CYP19A1: variants seen among roughly 807,000 people sequenced by gnomAD.
CYP19A1 encodes the protein aromatase.
Under a neutral mutation model 44.4 loss-of-function variants are expected in CYP19A1, and 32 were observed. The ratio of observed to expected loss-of-function variants is 0.72; its 90% confidence interval spans 0.54 to 0.97. The LOEUF is 0.97. CYP19A1 is among the 50% of genes least tolerant of loss of function. The pLI, the probability that CYP19A1 is intolerant of heterozygous loss-of-function variation, is 0.00. For missense variants in CYP19A1, 598 were observed against 637.8 expected, an observed-to-expected ratio of 0.94 and a Z score of 0.67; for synonymous variants, 212 against 215.6, an observed-to-expected ratio of 0.98 and a Z score of 0.14.
At chr15:51,241,679 C>T (rs2033778322) in intron 2 of CYP19A1, among the ~76,000 whole-genome samples, 2 of 152,170 alleles carry the variant, frequency 1.3e-5, no homozygotes, top group Admixed American at 1.3e-4. Flanking sequence ...AACAGTTGTC[C>T]CTTAGCTCTG....
Position 51,210,231 on chromosome 15 carries a change from C to A in CYP19A1, c.*577G>T. 1 of 408,204 alleles carries A rather than the reference C, an allele frequency of 2.4e-6. No individual in the cohort carries two copies. Among genetic ancestry groups the A allele is most frequent in the Non-Finnish European group, 4.9e-6 (1 of 205,288 alleles). The allele number at this position is 408,204 out of a possible 1,614,324, so 25.3% of individuals were successfully genotyped here. ...TTGCCACAGACAGATCATATGTAGACAAACAGGAATTAATTGGGCTTAATT... is the reference window on the plus strand; with the variant it reads ...TTGCCACAGACAGATCATATGTAGAAAAACAGGAATTAATTGGGCTTAATT... On this transcript the variant is annotated 3_prime_UTR_variant, in exon 10 of 10. Transcript: ENST00000396402.
chr15:51,260,587 T>A (rs2034677089), intron 1 of CYP19A1, among the ~76,000 whole-genome samples: 1 of 152,108 alleles, frequency 6.6e-6, no homozygotes, highest in Admixed American at 6.5e-5. Flanking sequence ...TCAAAGGAAG[T>A]GAGAGACAGA....
chr15:51,255,230 A>G (rs748422171), intron 1 of CYP19A1, among the ~76,000 whole-genome samples: 2 of 152,190 alleles, frequency 1.3e-5, no homozygotes, highest in African/African-American at 2.4e-5. Context: ...ATTATTCAGT[A>G]ATTGGGGGCA....
chr15:51,228,300 C>A (rs190697708), intron 3 of CYP19A1, among the ~76,000 whole-genome samples: 2 of 152,318 alleles, frequency 1.3e-5, no homozygotes, highest in African/African-American at 4.8e-5. Flanking sequence ...GCCAGAAGAA[C>A]CTCCAGCCTC....
intron 1 of CYP19A1, among the ~76,000 whole-genome samples, chr15:51,289,641 G>T (rs866186659): frequency 6.6e-6 from 1 of 152,168 alleles, no homozygotes; most frequent in Non-Finnish European, 1.5e-5. Flanking sequence ...GCCAGCCAGG[G>T]TTCCTGGGCA....
chr15:51,228,217 C>T (rs1465140001), intron 3 of CYP19A1, among the ~76,000 whole-genome samples: 1 of 152,176 alleles, frequency 6.6e-6, no homozygotes, highest in Admixed American at 6.5e-5. Flanking sequence ...TCTCTAACCT[C>T]ACCAAAATAC....
chr15:51,285,565 A>G (rs1174019878), intron 1 of CYP19A1, among the ~76,000 whole-genome samples: 4 of 152,206 alleles, frequency 2.6e-5, no homozygotes, highest in Non-Finnish European at 5.9e-5. Flanking sequence ...CTCGGCGCAT[A>G]AAACCCCTCG....
At chr15:51,252,140 G>C (rs550264141) in intron 1 of CYP19A1, among the ~76,000 whole-genome samples, 1 of 152,292 alleles carries the variant, frequency 6.6e-6, no homozygotes, top group East Asian at 1.9e-4. Flanking sequence ...AGGGAGGCTG[G>C]GGTGCATGTG....
At chr15:51,252,842 G>T (rs1014810643) in intron 1 of CYP19A1, among the ~76,000 whole-genome samples, 1 of 152,218 alleles carries the variant, frequency 6.6e-6, no homozygotes, top group Admixed American at 6.5e-5. Context: ...TGCTCTTACG[G>T]AGTTAATCTG....
intron 1 of CYP19A1, among the ~76,000 whole-genome samples, chr15:51,251,091 AG>A (rs2034289085): frequency 6.6e-6 from 1 of 152,070 alleles, no homozygotes; most frequent in Non-Finnish European, 1.5e-5. Context: ...GCCCGGGCTG[AG>A]GGGGAGCACT....
intron 1 of CYP19A1, among the ~76,000 whole-genome samples, chr15:51,317,104 CTTTT>C (rs201343947): frequency 4.3e-5 from 6 of 138,486 alleles, no homozygotes; most frequent in African/African-American, 2.6e-5. Flanking sequence ...AAAATCACTT[CTTTT>C]TTTTTTTTTT....
rs529508855 is a variant in CYP19A1 at position 51,293,682 on chromosome 15, C to G, written c.-39+44813G>C. ...CCTGATTCTCCTGCCTCAGCCTGCC[C>G]AGTGCCTGCGATTGCAGGCGCGCGC... On this transcript the variant is annotated intron_variant, in intron 1 of 9. Transcript: ENST00000396402. 4.2e-3 allele frequency: 662 copies of G among 156,868 alleles called. 7 individuals carry two copies. The highest frequency in any genetic ancestry group is 0.015 in the African/African-American group (617 of 41,628). 9.7% of individuals were successfully genotyped at this position (156,868 alleles called of 1,614,324 possible). A position where few individuals can be genotyped will look rare whatever the true frequency, so the allele number is the denominator to read the frequency against.
At chr15:51,238,219 G>A (rs1468386173) in intron 2 of CYP19A1, among the ~76,000 whole-genome samples, 1 of 152,126 alleles carries the variant, frequency 6.6e-6, no homozygotes, top group African/African-American at 2.4e-5. Context: ...GATTATTTTA[G>A]TAACACTACA....
chr15:51,307,686 T>C (rs1323575180), intron 1 of CYP19A1, among the ~76,000 whole-genome samples: 1 of 152,178 alleles, frequency 6.6e-6, no homozygotes, highest in Non-Finnish European at 1.5e-5. Context: ...AGCTGTCAAC[T>C]TCTGGGTTTG....
intron 1 of CYP19A1, among the ~76,000 whole-genome samples, chr15:51,303,305 A>T (rs58960567): frequency 0.024 from 3,579 of 152,058 alleles, 129 homozygotes; most frequent in East Asian, 0.14. Context: ...AGGGTGAGAG[A>T]GCTAGTTCTT....
In CYP19A1 at chr15:51,216,147, A is replaced by C. The variant is rs543935623; in HGVS notation, c.744-330T>G. ...TCTGATTTGGCAGGCACAATGTTTA[A>C]ATTAAAAAAACAAAAACAAAAAAAC... On this transcript the variant is annotated intron_variant, in intron 6 of 9. Coordinates refer to ENST00000396402, the MANE Select transcript of CYP19A1 (RefSeq NM_000103.4). Among the ~76,000 whole-genome samples the C allele has an allele frequency of 2.5e-3, 379 of 152,310 alleles. 1 individual carries two copies. Among genetic ancestry groups the C allele is most frequent in the African/African-American group, 8.9e-3 (371 of 41,584 alleles).
At chr15:51,269,699 C>G (rs1472457042) in intron 1 of CYP19A1, among the ~76,000 whole-genome samples, 1 of 152,202 alleles carries the variant, frequency 6.6e-6, no homozygotes, top group East Asian at 1.9e-4. Context: ...GTAGCCCATT[C>G]CAGCCAAGGC....
intron 1 of CYP19A1, among the ~76,000 whole-genome samples, chr15:51,289,209 T>C (rs2035785810): frequency 6.6e-6 from 1 of 152,270 alleles, no homozygotes; most frequent in African/African-American, 2.4e-5. Context: ...ATTTACCTCA[T>C]GCTTTCCTAA....
At chr15:51,285,214 C>T (rs1162515828) in intron 1 of CYP19A1, among the ~76,000 whole-genome samples, 1 of 152,164 alleles carries the variant, frequency 6.6e-6, no homozygotes, top group Non-Finnish European at 1.5e-5. Flanking sequence ...GTATCATTGC[C>T]CCCATTCAGC....
Sources: gnomAD v4.1 joint callset for allele counts (sites outside exome capture counted in the v4.1 genomes callset) on GRCh38, gnomAD v4.1.1 for gene constraint, MANE v1.5 for transcripts, NCBI Gene and HGNC (gene_info 2026-07-23, HGNC 2026-07-21) for gene names.